Variants in RAB21 observed in about 807,000 individuals in gnomAD.
RAB21 encodes ras-related protein Rab-21.
In RAB21, 13 loss-of-function variants were observed where a neutral mutation model predicts 33.1. That is an observed-to-expected ratio of 0.39 (90% confidence interval 0.26 to 0.62). RAB21 has a LOEUF of 0.62. RAB21 is among the 20% of genes least tolerant of loss of function. The pLI, the probability that RAB21 is intolerant of heterozygous loss-of-function variation, is 0.48. For missense variants in RAB21, 234 were observed against 279.1 expected (o/e 0.84, Z 1.15); for synonymous variants, 91 against 103.7 (o/e 0.88, Z 0.74).
intron 1 of RAB21, among the ~76,000 whole-genome samples, chr12:71,755,956 G>A (rs1882779831): frequency 6.6e-6 from 1 of 152,158 alleles, no homozygotes; most frequent in South Asian, 2.1e-4. Context: ...CTGTTACTCA[G>A]TTTCTTTACC....
At chr12:71,757,873 A>G (rs1882808424) in intron 1 of RAB21, among the ~76,000 whole-genome samples, 1 of 152,196 alleles carries the variant, frequency 6.6e-6, no homozygotes, top group Non-Finnish European at 1.5e-5. Flanking sequence ...ATTGACAGGA[A>G]TTTAAGACAG....
Position 71,788,773 on chromosome 12 carries a change from A to G in RAB21, c.*3100A>G, listed in dbSNP as rs992485286. On this transcript the variant is annotated 3_prime_UTR_variant, in exon 7 of 7. Transcript: ENST00000261263. The stretch of plus-strand genomic sequence containing the variant: ...CTGAATATTATGTTAAAAGTATACA[A>G]TCATTGTTTCTGTAATGATGATGGG... The G allele has an allele frequency of 4.6e-5, 7 of 152,120 alleles. No homozygotes were observed. The highest frequency in any genetic ancestry group is 8.8e-5 in the Non-Finnish European group (6 of 67,994). The allele number at this position is 152,120 out of a possible 1,614,324, so 9.4% of individuals were successfully genotyped here.
intron 3 of RAB21, among the ~76,000 whole-genome samples, chr12:71,773,617 C>G (rs574074073): frequency 6.6e-5 from 10 of 152,178 alleles, no homozygotes; most frequent in African/African-American, 2.4e-4. Context: ...TTCCTAAGTC[C>G]AAAGTGACAC....
intron 1 of RAB21, among the ~76,000 whole-genome samples, chr12:71,758,912 T>A (rs1023844165): frequency 8.5e-5 from 13 of 152,176 alleles, no homozygotes; most frequent in Non-Finnish European, 2.9e-5. Context: ...CTGTCACCTC[T>A]CCTGTTGAGA....
intron 4 of RAB21, among the ~76,000 whole-genome samples, chr12:71,776,272 A>G (rs1188438356): frequency 6.6e-6 from 1 of 152,188 alleles, no homozygotes; most frequent in Admixed American, 6.5e-5. Context: ...TCTAAGTTAA[A>G]CAAGCTCATG....
chr12:71,755,374 A>G, intron 1 of RAB21, 86 bp downstream of exon 1: 2 of 1,378,316 alleles, frequency 1.5e-6, no homozygotes, highest in Middle Eastern at 2.1e-4. Context: ...GGTCCCCTGG[A>G]TGTAGGCTGG....
chr12:71,761,718 A>G (rs1270903916), intron 1 of RAB21, among the ~76,000 whole-genome samples: 1 of 152,114 alleles, frequency 6.6e-6, no homozygotes, highest in African/African-American at 2.4e-5. Flanking sequence ...TAAAAAATAG[A>G]AATGGTATGG....
intron 6 of RAB21, among the ~76,000 whole-genome samples, chr12:71,785,199 T>C (rs1455210889): frequency 6.6e-6 from 1 of 152,228 alleles, no homozygotes; most frequent in Non-Finnish European, 1.5e-5. Context: ...TTGAACTTCT[T>C]TGACATATTT....
At position 71,763,099 on chromosome 12, in the gene RAB21, ACG is replaced by A. The variant is rs761879933; in HGVS notation, c.160-6699_160-6698del. Among the ~76,000 whole-genome samples, 300 of 43,066 alleles carry A rather than the reference ACG, an allele frequency of 7.0e-3. 2 individuals carry two copies. The Middle Eastern group carries it at 0.083, about 12-fold the overall frequency. The allele number at this position is 43,066 out of a possible 152,430, so 28.3% of individuals were successfully genotyped here. A position where few individuals can be genotyped will look rare whatever the true frequency, so the allele number is the denominator to read the frequency against. On this transcript the variant is annotated intron_variant, in intron 1 of 6. Transcript: ENST00000261263. ...CAACTAGCAAGAATATTTATTTTGC[ACG>A]CACACACACACACACACACACACAC...
chr12:71,764,362 C>G (rs556014157), intron 1 of RAB21, among the ~76,000 whole-genome samples: 2 of 152,264 alleles, frequency 1.3e-5, no homozygotes, highest in African/African-American at 4.8e-5. Context: ...ACAGTGGTAT[C>G]TCAGTAGTCT....
At chr12:71,757,001 A>G (rs1410890079) in intron 1 of RAB21, among the ~76,000 whole-genome samples, 1 of 152,218 alleles carries the variant, frequency 6.6e-6, no homozygotes, top group Non-Finnish European at 1.5e-5. Context: ...GTCTGACTTC[A>G]GATTTTGAGC....
Position 71,785,647 on chromosome 12 carries a change from G to A in RAB21, c.652G>A (p.Gly218Ser). 1.2e-6 allele frequency: 2 copies of A among 1,614,142 alleles called. No individual in the cohort carries two copies. The highest frequency in any genetic ancestry group is 1.7e-6 in the Non-Finnish European group (2 of 1,180,018). Residue 218 changes from glycine to serine, a missense_variant, in exon 7 of 7, where the codon GGT becomes AGT. Coordinates refer to ENST00000261263, the MANE Select transcript of RAB21 (RefSeq NM_014999.4). ...TGATGAACCTCAAGCCCAGACCAGT[G>A]GTGGAGGGTGCTGTTCTTCTGGATA... ...IDDEPQAQTS[G>S]GGCCSSG
Position 71,792,373 on chromosome 12 carries a change from G to A in RAB21, c.*6700G>A, listed in dbSNP as rs557985925. Reference sequence around the variant, plus strand: ...GGGAAAGAGCAATGTACAAGTCCAAGCTCCTTAATACACATAAAACTCTGG... The same window carrying A: ...GGGAAAGAGCAATGTACAAGTCCAAACTCCTTAATACACATAAAACTCTGG... On this transcript the variant is annotated 3_prime_UTR_variant, in exon 7 of 7. Transcript: ENST00000261263. 6.6e-6 allele frequency: 1 copy of A among 152,266 alleles called. No individual in the cohort carries two copies. Among genetic ancestry groups the A allele is most frequent in the South Asian group, 2.1e-4 (1 of 4,824 alleles). The allele number at this position is 152,266 out of a possible 1,614,324, so 9.4% of individuals were successfully genotyped here.
chr12:71,781,176 T>C (rs915370613), intron 4 of RAB21, among the ~76,000 whole-genome samples: 10 of 152,152 alleles, frequency 6.6e-5, no homozygotes, highest in Non-Finnish European at 1.2e-4. Context: ...AAACAAAGAA[T>C]ACAGTTTTTC....
In RAB21 at chr12:71,799,297, A is replaced by C. The variant is rs922157016; in HGVS notation, c.*13624A>C. The C allele has an allele frequency of 3.3e-5, 5 of 152,214 alleles. No individual in the cohort carries two copies. The highest frequency in any genetic ancestry group is 5.9e-5 in the Non-Finnish European group (4 of 68,032). The allele number at this position is 152,214 out of a possible 1,614,324, so 9.4% of individuals were successfully genotyped here. A position where few individuals can be genotyped will look rare whatever the true frequency, so the allele number is the denominator to read the frequency against. ...CCCATAGGCTCAACTTAGATTCCTAAACCCTGCTCCTTCAACCCTTCCAGT... is the reference window on the plus strand; with the variant it reads ...CCCATAGGCTCAACTTAGATTCCTACACCCTGCTCCTTCAACCCTTCCAGT... On this transcript the variant is annotated 3_prime_UTR_variant, in exon 7 of 7. Coordinates refer to ENST00000261263, the MANE Select transcript of RAB21 (RefSeq NM_014999.4).
chr12:71,783,263 T>A (rs933867612), intron 6 of RAB21, among the ~76,000 whole-genome samples: 1 of 152,044 alleles, frequency 6.6e-6, no homozygotes, highest in Non-Finnish European at 1.5e-5. Context: ...TTTTCTACTT[T>A]ATGTTTGAAA....
At chr12:71,783,970 GTTTA>G (rs1307836719) in intron 6 of RAB21, among the ~76,000 whole-genome samples, 1 of 151,754 alleles carries the variant, frequency 6.6e-6, no homozygotes, top group Non-Finnish European at 1.5e-5. Flanking sequence ...TGCTCCACAT[GTTTA>G]TTTAGAAATT....
intron 1 of RAB21, among the ~76,000 whole-genome samples, chr12:71,757,075 G>A (rs1882795701): frequency 6.6e-6 from 1 of 152,056 alleles, no homozygotes. Flanking sequence ...TTTATGCAAA[G>A]ATCTAAGATA....
rs1343037487 is a variant in RAB21 at position 71,789,292 on chromosome 12, A to G, written c.*3619A>G. The G allele has an allele frequency of 6.6e-6, 1 of 152,094 alleles. No homozygotes were observed. The highest frequency in any genetic ancestry group is 1.9e-4 in the East Asian group (1 of 5,202). 9.4% of individuals were successfully genotyped at this position (152,094 alleles called of 1,614,324 possible). On this transcript the variant is annotated 3_prime_UTR_variant, in exon 7 of 7. Coordinates refer to ENST00000261263, the MANE Select transcript of RAB21 (RefSeq NM_014999.4). ...AAGAACATTTTAAAAATGGATTGTGATACTGTTTATTTCTTTAATTATATA... is the reference window on the plus strand; with the variant it reads ...AAGAACATTTTAAAAATGGATTGTGGTACTGTTTATTTCTTTAATTATATA...
Sources: gnomAD v4.1 joint callset for allele counts (sites outside exome capture counted in the v4.1 genomes callset) on GRCh38, gnomAD v4.1.1 for gene constraint, MANE v1.5 for transcripts, NCBI Gene and HGNC (gene_info 2026-07-23, HGNC 2026-07-21) for gene names.